Variants in VAPA observed in about 807,000 individuals in gnomAD.
VAPA encodes the protein vesicle-associated membrane protein-associated protein A.
VAPA carries 6 observed loss-of-function variants against 25.6 expected under a neutral mutation model. The ratio of observed to expected loss-of-function variants is 0.23; its 90% confidence interval spans 0.13 to 0.46. The LOEUF is 0.46. Ranked by LOEUF, VAPA falls within the 20% of genes least tolerant of loss-of-function variation. VAPA has a pLI of 0.99. For synonymous variants in VAPA, 112 were observed against 106.2 expected (o/e 1.05, Z -0.34); for missense variants, 244 against 302.1 (o/e 0.81, Z 1.43).
intron 1 of VAPA, among the ~76,000 whole-genome samples, chr18:9,920,345 C>A (rs527428879): frequency 6.6e-6 from 1 of 152,294 alleles, no homozygotes; most frequent in African/African-American, 2.4e-5. Flanking sequence ...CTTTGTCACC[C>A]ATGGTGGTGT....
intron 4 of VAPA, 37 bp from the exon 5 acceptor site, chr18:9,950,358 G>A (rs374711523): frequency 1.9e-6 from 3 of 1,591,400 alleles, no homozygotes; most frequent in East Asian, 4.5e-5. Context: ...AAGGAGATTT[G>A]GTTAGTTAAA....
chr18:9,930,339 T>C (rs1441524507), intron 1 of VAPA, among the ~76,000 whole-genome samples: 1 of 152,172 alleles, frequency 6.6e-6, no homozygotes, highest in African/African-American at 2.4e-5. Context: ...GTTAAAGTCC[T>C]AGTCAAAATA....
intron 4 of VAPA, among the ~76,000 whole-genome samples, chr18:9,938,646 G>A (rs1599109625): frequency 6.6e-6 from 1 of 152,290 alleles, no homozygotes; most frequent in East Asian, 1.9e-4. Flanking sequence ...AAGCTGTTAA[G>A]TAACTTCAAA....
At chr18:9,939,522 T>C (rs989607096) in intron 4 of VAPA, among the ~76,000 whole-genome samples, 6 of 150,370 alleles carry the variant, frequency 4.0e-5, no homozygotes, top group African/African-American at 1.5e-4. Flanking sequence ...TCCTCTCTTT[T>C]TTTTTTTTTT....
chr18:9,954,032 G>T lies in VAPA; in HGVS notation c.592-21G>T, dbSNP rs1233881925. 8.7e-6 allele frequency: 14 copies of T among 1,612,216 alleles called. 1 individual carries two copies. The highest frequency in any genetic ancestry group is 3.4e-4 in the Middle Eastern group (2 of 5,920). On this transcript the variant is annotated intron_variant, in intron 5 of 5. Coordinates refer to ENST00000400000, the MANE Select transcript of VAPA (RefSeq NM_194434.3). Reference sequence around the variant, plus strand: ...GTATGCTTGTTTTTAAAAACCTTTTGTGTGTGTGTTTTTTTTCTAGGATGA... The same window carrying T: ...GTATGCTTGTTTTTAAAAACCTTTTTTGTGTGTGTTTTTTTTCTAGGATGA...
intron 1 of VAPA, among the ~76,000 whole-genome samples, chr18:9,926,922 A>C (rs1380953374): frequency 6.6e-6 from 1 of 152,126 alleles, no homozygotes; most frequent in Non-Finnish European, 1.5e-5. Context: ...ATTGTCTCCT[A>C]AACACACCTC....
rs1025164574 is a variant in VAPA at position 9,946,916 on chromosome 18, C to T, written c.418-3479C>T. On this transcript the variant is annotated intron_variant, in intron 4 of 5. Coordinates refer to ENST00000400000, the MANE Select transcript of VAPA (RefSeq NM_194434.3). ...AAAATATCTTTTTAATGTCCTTATT[C>T]GCTGCCTTTTTCTATTTTTTAAATA... is the stretch of plus-strand genomic sequence containing the variant. Among the ~76,000 whole-genome samples the T allele has an allele frequency of 7.9e-5, 12 of 152,206 alleles. 1 individual carries two copies. The highest frequency in any genetic ancestry group is 2.6e-4 in the Admixed American group (4 of 15,296).
intron 2 of VAPA, among the ~76,000 whole-genome samples, chr18:9,935,164 A>G (rs990779322): frequency 2.0e-5 from 3 of 152,084 alleles, no homozygotes; most frequent in South Asian, 4.1e-4. Flanking sequence ...TTAGAACTCA[A>G]GAGGCTATAT....
chr18:9,918,177 G>T (rs2069128019), intron 1 of VAPA, among the ~76,000 whole-genome samples: 1 of 152,074 alleles, frequency 6.6e-6, no homozygotes, highest in Non-Finnish European at 1.5e-5. Flanking sequence ...TTATGACTCA[G>T]ACCATGTTCC....
At chr18:9,931,408 G>A (rs2069253654) in intron 1 of VAPA, among the ~76,000 whole-genome samples, 1 of 152,214 alleles carries the variant, frequency 6.6e-6, no homozygotes, top group Non-Finnish European at 1.5e-5. Context: ...AGGGTCTTCA[G>A]ATGTAGAGAT....
intron 4 of VAPA, among the ~76,000 whole-genome samples, chr18:9,947,112 C>T (rs566862478): frequency 2.6e-5 from 4 of 152,214 alleles, no homozygotes; most frequent in African/African-American, 4.8e-5. Context: ...CCTATGTTAA[C>T]AGTGTCTTCT....
intron 1 of VAPA, among the ~76,000 whole-genome samples, chr18:9,927,367 T>C (rs927469305): frequency 6.6e-6 from 1 of 152,174 alleles, no homozygotes; most frequent in Non-Finnish European, 1.5e-5. Flanking sequence ...CAATTGATTC[T>C]CTTTGCAGCT....
At position 9,956,092 on chromosome 18, in the gene VAPA, C is replaced by A. The variant is rs1567905559; in HGVS notation, c.*1881C>A. ...AAGTTCTTGAAAATTTAGCCAAATC[C>A]CGTTTTATGGGAATGCTCTTTAGAA... On this transcript the variant is annotated 3_prime_UTR_variant, in exon 6 of 6. Transcript: ENST00000400000. 6.6e-6 allele frequency: 1 copy of A among 151,950 alleles called. No homozygotes were observed. The highest frequency in any genetic ancestry group is 1.5e-5 in the Non-Finnish European group (1 of 67,988). 9.4% of individuals were successfully genotyped at this position (151,950 alleles called of 1,614,324 possible).
chr18:9,932,982 C>T (rs987249915), intron 2 of VAPA, among the ~76,000 whole-genome samples: 9 of 151,952 alleles, frequency 5.9e-5, no homozygotes, highest in Non-Finnish European at 1.0e-4. Context: ...GTGGTGGGCG[C>T]CTGTAGTCCC....
chr18:9,915,394 A>C (rs2069103872), intron 1 of VAPA, among the ~76,000 whole-genome samples: 1 of 152,182 alleles, frequency 6.6e-6, no homozygotes, highest in Non-Finnish European at 1.5e-5. Context: ...TTTCCTTGTC[A>C]ATATGTAGTG....
At position 9,954,071 on chromosome 18, in the gene VAPA, A is replaced by G. The variant is rs761235012; in HGVS notation, c.610A>G (p.Arg204Gly). Reference protein sequence around the residue: ...RHLRDEGLRLRKVAHSDKPGS... With the variant: ...RHLRDEGLRLGKVAHSDKPGS... ...TTTCTAGGATGAAGGTTTAAGGCTC[A>G]GAAAGGTAGCACATTCGGATAAACC... The change falls in exon 6 of 6, where the codon AGA becomes GGA. Residue 204 changes from arginine (R) to glycine (G), a missense_variant. By Grantham distance (125) the Arg-to-Gly change is moderately radical (BLOSUM62 -2). Around this residue, in one of 2 missense-constraint regions of VAPA, gnomAD observed 145 missense variants for 140.6 expected, o/e 1.03. Coordinates refer to ENST00000400000, the MANE Select transcript of VAPA (RefSeq NM_194434.3). The G allele has an allele frequency of 2.5e-6, 4 of 1,614,060 alleles. No individual in the cohort carries two copies. The South Asian group carries it at 4.4e-5, about 18-fold the overall frequency.
At chr18:9,929,979 T>A (rs1186343334) in intron 1 of VAPA, among the ~76,000 whole-genome samples, 1 of 152,138 alleles carries the variant, frequency 6.6e-6, no homozygotes, top group East Asian at 1.9e-4. Flanking sequence ...CAATTTATAA[T>A]CCCTGGTGGG....
At chr18:9,924,373 T>A (rs2069182861) in intron 1 of VAPA, among the ~76,000 whole-genome samples, 2 of 152,192 alleles carry the variant, frequency 1.3e-5, no homozygotes, top group African/African-American at 4.8e-5. Flanking sequence ...ACACTAACAT[T>A]GTTCTTTTAC....
intron 4 of VAPA, 63 bp from the exon 5 acceptor site, chr18:9,950,332 T>C (rs1038374303): frequency 8.4e-6 from 13 of 1,539,824 alleles, no homozygotes; most frequent in Admixed American, 7.9e-5. Context: ...TATATTGTTA[T>C]TTGTTTAAAA....
Sources: gnomAD v4.1 joint callset for allele counts (sites outside exome capture counted in the v4.1 genomes callset) on GRCh38, gnomAD v4.1.1 for gene constraint, gnomAD v4.1.1 regional missense constraint, MANE v1.5 for transcripts, NCBI Gene and HGNC (gene_info 2026-07-23, HGNC 2026-07-21) for gene names.